The following GALNT2 variants were observed in gnomAD, a reference collection of about 807,000 sequenced individuals.
GALNT2 encodes the protein polypeptide N-acetylgalactosaminyltransferase 2.
A neutral mutation model predicts 81.4 loss-of-function variants in GALNT2; 31 were observed. The ratio of observed to expected loss-of-function variants is 0.38; its 90% CI spans 0.29 to 0.51. GALNT2 has a LOEUF of 0.51. Among genes scored for constraint, GALNT2 ranks in the 20% least tolerant of loss-of-function variants. GALNT2 has a pLI of 0.87. For synonymous variants in GALNT2, 303 were observed against 287.4 expected, an observed-to-expected ratio of 1.05 and a Z score of -0.55; for missense variants, 629 against 765.7, an observed-to-expected ratio of 0.82 and a Z score of 2.11.
chr1:230,104,577 G>A (rs918311600), intron 1 of GALNT2, among the ~76,000 whole-genome samples: 6 of 152,206 alleles, frequency 3.9e-5, no homozygotes, highest in Admixed American at 1.3e-4. Context: ...GAGCTGCTTC[G>A]TGATGGCCGC....
intron 2 of GALNT2, among the ~76,000 whole-genome samples, chr1:230,194,179 G>GA (rs751026535): frequency 1.3e-5 from 2 of 152,240 alleles, no homozygotes; most frequent in Non-Finnish European, 2.9e-5. Context: ...CGGGTGTGAT[G>GA]AAGAGTATCA....
At chr1:230,276,257 C>T (rs1165168691) in intron 15 of GALNT2, among the ~76,000 whole-genome samples, 2 of 152,056 alleles carry the variant, frequency 1.3e-5, no homozygotes, top group Admixed American at 6.6e-5. Context: ...GACGTATTCC[C>T]TTGTGGCAGC....
Position 230,083,708 on chromosome 1 carries a change from T to C in GALNT2, c.126+16302T>C, listed in dbSNP as rs72648054. On this transcript the variant is annotated intron_variant, in intron 1 of 15. Coordinates refer to ENST00000366672, the MANE Select transcript of GALNT2 (RefSeq NM_004481.5). ...AAACGGTGTCCGGAGAGTAAGGAGA[T>C]GGTCAGCACTGAGCATTTAGTTTCT... Among the ~76,000 whole-genome samples the C allele has an allele frequency of 8.5e-3, 1,302 of 152,324 alleles. 9 individuals are homozygous for C. Among genetic ancestry groups the C allele is most frequent in the Non-Finnish European group, 0.013 (873 of 68,026 alleles).
intron 7 of GALNT2, 105 bp from the exon 8 acceptor site, chr1:230,245,958 C>A (rs1324413506): frequency 5.1e-5 from 46 of 899,222 alleles, no homozygotes; most frequent in Non-Finnish European, 3.7e-5. Flanking sequence ...TAGTAAGGGC[C>A]AGTTGGGTTT....
At chr1:230,270,256 G>C (rs1666133501) in intron 14 of GALNT2, among the ~76,000 whole-genome samples, 3 of 152,270 alleles carry the variant, frequency 2.0e-5, no homozygotes, top group South Asian at 2.1e-4. Flanking sequence ...GCGTTTTCTA[G>C]TGGAAAGATG....
chr1:230,163,394 G>A (rs1662495520), intron 1 of GALNT2, among the ~76,000 whole-genome samples: 1 of 152,212 alleles, frequency 6.6e-6, no homozygotes, highest in African/African-American at 2.4e-5. Context: ...CAGAGAGCAT[G>A]GGATGAGGTC....
At chr1:230,270,795 A>G (rs1210259097) in intron 14 of GALNT2, among the ~76,000 whole-genome samples, 1 of 152,236 alleles carries the variant, frequency 6.6e-6, no homozygotes, top group Admixed American at 6.5e-5. Flanking sequence ...ATTAATGGCC[A>G]TGCCTTTTAA....
intron 3 of GALNT2, among the ~76,000 whole-genome samples, chr1:230,235,582 G>A (rs972554230): frequency 2.6e-5 from 4 of 152,170 alleles, no homozygotes; most frequent in Admixed American, 6.5e-5. Flanking sequence ...AAATATCACC[G>A]GAGTACCACA....
intron 3 of GALNT2, among the ~76,000 whole-genome samples, chr1:230,205,610 G>A (rs1243115547): frequency 6.6e-6 from 1 of 152,112 alleles, no homozygotes; most frequent in East Asian, 1.9e-4. Flanking sequence ...TGACAACCTG[G>A]GGTCCAAGGA....
Position 230,178,267 on chromosome 1 carries a change from G to A in GALNT2, c.176G>A (p.Ser59Asn), listed in dbSNP as rs1230875157. 6.2e-7 allele frequency: 1 copy of A among 1,614,092 alleles called. No homozygotes were observed. Among genetic ancestry groups the A allele is most frequent in the Admixed American group, 1.7e-5 (1 of 60,014 alleles). ...DPIKKKDLHH[S>N]NGEEKAQSME... ...ATTAAAAAGAAAGACCTTCATCACA[G>A]CAATGGAGAAGAGAAAGCACAAAGC... is the stretch of plus-strand genomic sequence containing the variant. Residue 59 changes from serine to asparagine, a missense_variant, in exon 2 of 16, where the codon AGC becomes AAC. By Grantham distance (46) the Ser-to-Asn change is conservative. This residue lies in a region of GALNT2 where 360 missense variants were observed against 492.8 expected (regional missense o/e 0.73). Transcript: ENST00000366672.
intron 8 of GALNT2, among the ~76,000 whole-genome samples, chr1:230,247,352 A>G (rs1366920787): frequency 1.3e-5 from 2 of 152,228 alleles, no homozygotes; most frequent in Non-Finnish European, 2.9e-5. Context: ...AGGCCCCGTC[A>G]TCATGGGCAG....
intron 1 of GALNT2, among the ~76,000 whole-genome samples, chr1:230,079,578 A>G (rs1659666556): frequency 6.6e-6 from 1 of 152,256 alleles, no homozygotes; most frequent in Admixed American, 6.5e-5. Flanking sequence ...ATCAGGTTAC[A>G]AATAGCAGGT....
At chr1:230,080,205 G>A (rs1279879890) in intron 1 of GALNT2, among the ~76,000 whole-genome samples, 1 of 152,166 alleles carries the variant, frequency 6.6e-6, no homozygotes, top group Non-Finnish European at 1.5e-5. Flanking sequence ...TTCCAGTGTT[G>A]CAAAGCGCCG....
intron 10 of GALNT2, among the ~76,000 whole-genome samples, chr1:230,252,843 C>CTTTTTTTTTTTTTTTTTTT (rs58544942): frequency 6.3e-5 from 5 of 78,950 alleles, no homozygotes; most frequent in East Asian, 4.4e-4. Context: ...GAGACAACTT[C>CTTTTTTTTTTTTTTTTTTT]TTTTTTTTTT....
In GALNT2 at chr1:230,075,923, G is replaced by A. The variant is rs367822314; in HGVS notation, c.126+8517G>A. Among the ~76,000 whole-genome samples, 97 of 152,208 alleles carry A rather than the reference G, an allele frequency of 6.4e-4. 1 individual carries two copies. The East Asian group carries it at 9.6e-3, about 15-fold the overall frequency. ...AGAGGTAGCCCCTGGTTTCATCTTC[G>A]TCCAGCCTCTTTTTCGGTGATCTCT... On this transcript the variant is annotated intron_variant, in intron 1 of 15. Transcript: ENST00000366672.
intron 10 of GALNT2, among the ~76,000 whole-genome samples, chr1:230,254,879 A>G (rs1665661216): frequency 6.6e-6 from 1 of 152,242 alleles, no homozygotes; most frequent in Admixed American, 6.5e-5. Flanking sequence ...TGGGGTATAC[A>G]TGATCTTATG....
At chr1:230,244,143 G>C (rs1435182880) in intron 7 of GALNT2, among the ~76,000 whole-genome samples, 1 of 151,926 alleles carries the variant, frequency 6.6e-6, no homozygotes, top group African/African-American at 2.4e-5. Context: ...AAATGAACAA[G>C]TAGTTCTGCC....
chr1:230,135,973 G>A (rs757468780), intron 1 of GALNT2, among the ~76,000 whole-genome samples: 3 of 152,018 alleles, frequency 2.0e-5, no homozygotes, highest in South Asian at 2.1e-4. Flanking sequence ...GATTACAGGC[G>A]TGAGCTGCTG....
chr1:230,119,373 A>G (rs1660944514), intron 1 of GALNT2, among the ~76,000 whole-genome samples: 2 of 152,232 alleles, frequency 1.3e-5, no homozygotes, highest in South Asian at 4.2e-4. Context: ...TGTTTCCTGC[A>G]AATGTGAAGT....
Sources: gnomAD v4.1 joint callset for allele counts (sites outside exome capture counted in the v4.1 genomes callset) on GRCh38, gnomAD v4.1.1 for gene constraint, gnomAD v4.1.1 regional missense constraint, MANE v1.5 for transcripts, NCBI Gene and HGNC (gene_info 2026-07-23, HGNC 2026-07-21) for gene names.